Variants in ERBB4 observed in about 807,000 individuals in gnomAD.
ERBB4 encodes the protein erb-b2 receptor tyrosine kinase 4, also known as receptor tyrosine-protein kinase erbB-4.
Under a neutral mutation model 158.0 loss-of-function variants are expected in ERBB4, and 42 were observed. The ratio of observed to expected loss-of-function variants is 0.27; its 90% CI spans 0.21 to 0.34. The LOEUF is 0.34. Ranked by LOEUF, ERBB4 falls within the 10% of genes least tolerant of loss-of-function variation. The pLI, the probability that ERBB4 is intolerant of heterozygous loss-of-function variation, is 1.00. For synonymous variants in ERBB4, 583 were observed against 558.7 expected (o/e 1.04, Z -0.61); for missense variants, 1,333 against 1,624.1 (o/e 0.82, Z 3.08).
Position 211,382,976 on chromosome 2 carries a change from A to G in ERBB4, c.*639T>C, listed in dbSNP as rs139701250. ...GAGCAAAACAAAATGAAAAAAACCA[A>G]AAAGTGTTGAAAACATAATTACTAG... On this transcript the variant is annotated 3_prime_UTR_variant, in exon 28 of 28. Transcript: ENST00000342788. 1.8e-3 allele frequency: 426 copies of G among 232,496 alleles called. 1 individual carries two copies. Among genetic ancestry groups the G allele is most frequent in the Middle Eastern group, 7.7e-3 (6 of 778 alleles). 14.4% of individuals were successfully genotyped at this position (232,496 alleles called of 1,614,324 possible).
intron 3 of ERBB4, among the ~76,000 whole-genome samples, chr2:211,838,171 T>C (rs1442446874): frequency 6.6e-6 from 1 of 152,098 alleles, no homozygotes; most frequent in Non-Finnish European, 1.5e-5. Flanking sequence ...CAACTTTCTG[T>C]AGTTTACAAT....
intron 1 of ERBB4, among the ~76,000 whole-genome samples, chr2:212,327,219 G>A (rs1037792861): frequency 7.2e-6 from 1 of 138,922 alleles, no homozygotes; most frequent in Admixed American, 6.9e-5. Context: ...ACTGAGCACT[G>A]TTCTAAGTAC....
intron 2 of ERBB4, among the ~76,000 whole-genome samples, chr2:212,119,667 G>T (rs1170048730): frequency 6.6e-6 from 1 of 152,072 alleles, no homozygotes. Flanking sequence ...CAGCAATGTG[G>T]TTCCTTGGTA....
At chr2:211,500,723 G>C (rs942185387) in intron 20 of ERBB4, among the ~76,000 whole-genome samples, 2 of 151,890 alleles carry the variant, frequency 1.3e-5, no homozygotes, top group African/African-American at 4.8e-5. Context: ...TTTCCAAACT[G>C]GTTTTTTTTG....
At chr2:211,961,090 T>C (rs954984510) in intron 2 of ERBB4, among the ~76,000 whole-genome samples, 3 of 152,074 alleles carry the variant, frequency 2.0e-5, no homozygotes, top group Admixed American at 6.6e-5. Context: ...AATTGGAGCA[T>C]TGCCACTCTG....
intron 1 of ERBB4, among the ~76,000 whole-genome samples, chr2:212,527,156 C>G (rs1391920121): frequency 6.6e-6 from 1 of 151,928 alleles, no homozygotes; most frequent in Admixed American, 6.6e-5. Context: ...GTGTAAGGGA[C>G]AGTACTAAAT....
chr2:211,761,572 T>G (rs1187476165), intron 4 of ERBB4, among the ~76,000 whole-genome samples: 1 of 152,244 alleles, frequency 6.6e-6, no homozygotes, highest in Non-Finnish European at 1.5e-5. Context: ...TTTTTGTTCT[T>G]GCCCATTATT....
chr2:212,195,432 C>G (rs62182579), intron 1 of ERBB4, among the ~76,000 whole-genome samples: 24,841 of 151,856 alleles, frequency 0.16, 2,435 homozygotes, highest in Non-Finnish European at 0.22. Flanking sequence ...TAGACAGTCA[C>G]AGTATTATTT....
chr2:212,318,457 T>C (rs947853249), intron 1 of ERBB4, among the ~76,000 whole-genome samples: 1 of 151,574 alleles, frequency 6.6e-6, no homozygotes, highest in Non-Finnish European at 1.5e-5. Context: ...TGTTTTCAAT[T>C]AGTTATTTCT....
At chr2:212,353,179 A>G (rs1212583336) in intron 1 of ERBB4, among the ~76,000 whole-genome samples, 1 of 151,940 alleles carries the variant, frequency 6.6e-6, no homozygotes, top group East Asian at 1.9e-4. Flanking sequence ...CAATAAATGC[A>G]TGTCCTTAAA....
At chr2:211,800,258 T>C (rs565440936) in intron 3 of ERBB4, among the ~76,000 whole-genome samples, 1 of 152,260 alleles carries the variant, frequency 6.6e-6, no homozygotes, top group Non-Finnish European at 1.5e-5. Flanking sequence ...TGAATACTTA[T>C]AATGCAGTAT....
Position 211,415,107 on chromosome 2 carries a change from C to CTTTTTTT in ERBB4, c.3135+5327_3135+5333dup, listed in dbSNP as rs71047175. 5.6e-3 allele frequency among the ~76,000 whole-genome samples: 405 copies of CTTTTTTT among 72,536 alleles called. 66 individuals carry two copies. The highest frequency in any genetic ancestry group is 0.014 in the African/African-American group (250 of 18,164). 47.6% of individuals were successfully genotyped at this position (72,536 alleles called of 152,430 possible). A position where few individuals can be genotyped will look rare whatever the true frequency, so the allele number is the denominator to read the frequency against. ...CAAATCCCATTGAAACTTACATTTT[C>CTTTTTTT]TTTTTTTTTTTTTTTTTTTTTTTTT... is the stretch of plus-strand genomic sequence containing the variant. On this transcript the variant is annotated intron_variant, in intron 25 of 27. Transcript: ENST00000342788.
At position 212,465,546 on chromosome 2, in the gene ERBB4, C is replaced by A. The variant is rs553118699; in HGVS notation, c.82+72903G>T. Among the ~76,000 whole-genome samples, 14 of 152,214 alleles carry A rather than the reference C, an allele frequency of 9.2e-5. 1 individual carries two copies. The highest frequency in any genetic ancestry group is 2.6e-4 in the Admixed American group (4 of 15,282). Reference sequence around the variant, plus strand: ...ATAACTATTTAAAAAACTTAGTAAGCAAATTACCTAGGATCACTAAAGCAT... The same window carrying A: ...ATAACTATTTAAAAAACTTAGTAAGAAAATTACCTAGGATCACTAAAGCAT... On this transcript the variant is annotated intron_variant, in intron 1 of 27. Coordinates refer to ENST00000342788, the MANE Select transcript of ERBB4 (RefSeq NM_005235.3).
chr2:212,533,439 A>C (rs1019217248), intron 1 of ERBB4, among the ~76,000 whole-genome samples: 1 of 152,228 alleles, frequency 6.6e-6, no homozygotes, highest in Non-Finnish European at 1.5e-5. Context: ...GAAGGTATTA[A>C]GAAACTCGAG....
At chr2:212,405,425 G>T (rs1314401079) in intron 1 of ERBB4, among the ~76,000 whole-genome samples, 2 of 152,090 alleles carry the variant, frequency 1.3e-5, no homozygotes, top group African/African-American at 4.8e-5. Flanking sequence ...AAGCAGTACA[G>T]TGATTCCTCA....
intron 27 of ERBB4, among the ~76,000 whole-genome samples, chr2:211,385,487 A>G (rs2062666241): frequency 6.6e-6 from 1 of 152,118 alleles, no homozygotes; most frequent in Non-Finnish European, 1.5e-5. Context: ...CTTTATGCTT[A>G]GTAACAAGTT....
intron 2 of ERBB4, among the ~76,000 whole-genome samples, chr2:212,056,447 G>A (rs559066010): frequency 3.9e-5 from 6 of 152,196 alleles, no homozygotes; most frequent in East Asian, 3.9e-4. Context: ...GAGACTCCTC[G>A]AGAAGAGCAG....
chr2:211,781,679 A>G (rs1350243763), intron 4 of ERBB4, among the ~76,000 whole-genome samples: 2 of 152,234 alleles, frequency 1.3e-5, no homozygotes, highest in Non-Finnish European at 2.9e-5. Flanking sequence ...TATAAAAATT[A>G]TAATTGCAAG....
At chr2:212,345,135 G>A (rs1213163002) in intron 1 of ERBB4, among the ~76,000 whole-genome samples, 36 of 151,448 alleles carry the variant, frequency 2.4e-4, no homozygotes, top group Non-Finnish European at 1.3e-4. Flanking sequence ...GCGTGATGGC[G>A]GGCGCCTGTA....
Sources: allele counts gnomAD v4.1 joint callset (sites outside exome capture counted in the v4.1 genomes callset), GRCh38; gene constraint gnomAD v4.1.1; transcripts MANE v1.5; gene names NCBI Gene and HGNC (gene_info 2026-07-23, HGNC 2026-07-21).